LTBP1: variants seen among roughly 807,000 people sequenced by gnomAD.
The protein encoded by LTBP1 is latent-transforming growth factor beta-binding protein 1.
Under a neutral mutation model 207.6 loss-of-function variants are expected in LTBP1, and 129 were observed. That is an observed-to-expected ratio of 0.62 (90% confidence interval 0.54 to 0.72). The LOEUF (loss-of-function observed/expected upper bound fraction) is 0.72. LTBP1 is among the 30% of genes least tolerant of loss of function. The pLI, the probability that LTBP1 is intolerant of heterozygous loss-of-function variation, is 0.00. For synonymous variants in LTBP1, 963 were observed against 833.7 expected, an observed-to-expected ratio of 1.16 and a Z score of -2.67; for missense variants, 2,281 against 2,217.2, an observed-to-expected ratio of 1.03 and a Z score of -0.58.
chr2:33,365,626 CGTGT>C (rs144867482), intron 31 of LTBP1, 123 bp downstream of exon 31: 481 of 705,880 alleles, frequency 6.8e-4, no homozygotes, highest in South Asian at 1.1e-3. Context: ...ACTTTCATCC[CGTGT>C]GTGTGTGTGT....
rs555949826 is a variant in LTBP1, at chr2:33,387,360, T to C, written c.4712-1824T>C. ...AAGCAGAACTGACAGCCATTTGTGC[T>C]CTCTCTGTTTGAAGTAGTTCTTTTC... On this transcript the variant is annotated intron_variant, in intron 31 of 33. Transcript: ENST00000404816. Among the ~76,000 whole-genome samples, 26 of 152,388 alleles carry C rather than the reference T, an allele frequency of 1.7e-4. 1 individual carries two copies. In the South Asian group the frequency reaches 5.0e-3, roughly 29 times the overall value.
intron 5 of LTBP1, among the ~76,000 whole-genome samples, chr2:33,169,347 C>G (rs2085222783): frequency 1.3e-5 from 2 of 152,172 alleles, no homozygotes; most frequent in Non-Finnish European, 1.5e-5. Context: ...CTCTCCCCCT[C>G]TGAAGCCTTC....
intron 24 of LTBP1, among the ~76,000 whole-genome samples, chr2:33,317,074 TTAC>T (rs1156962006): frequency 6.6e-6 from 1 of 152,246 alleles, no homozygotes; most frequent in Non-Finnish European, 1.5e-5. Context: ...TCTTTTGCAC[TTAC>T]TAATGATTTA....
At chr2:33,366,567 G>A (rs1339441825) in intron 31 of LTBP1, among the ~76,000 whole-genome samples, 3 of 152,236 alleles carry the variant, frequency 2.0e-5, no homozygotes, top group African/African-American at 7.2e-5. Flanking sequence ...AATGATAGCA[G>A]CCCAGAATTG....
At chr2:33,113,093 G>A (rs986849930) in intron 4 of LTBP1, among the ~76,000 whole-genome samples, 8 of 152,154 alleles carry the variant, frequency 5.3e-5, no homozygotes, top group African/African-American at 1.9e-4. Context: ...GTAGTCCACT[G>A]CCATTACTTT....
intron 29 of LTBP1, 146 bp downstream of exon 29, chr2:33,363,664 C>T: frequency 1.1e-6 from 1 of 885,402 alleles, no homozygotes; most frequent in South Asian, 2.8e-5. Flanking sequence ...TTTTCTTAAG[C>T]ACAATTGAAG....
chr2:33,389,646 T>C (rs2095298339), intron 32 of LTBP1, among the ~76,000 whole-genome samples: 1 of 152,190 alleles, frequency 6.6e-6, no homozygotes, highest in Non-Finnish European at 1.5e-5. Context: ...TATTTACTTT[T>C]CTTAAAGTTT....
chr2:33,393,643 A>G (rs1423318808), intron 32 of LTBP1, among the ~76,000 whole-genome samples: 4 of 152,168 alleles, frequency 2.6e-5, no homozygotes, highest in Non-Finnish European at 5.9e-5. Flanking sequence ...ATGGCTGCAT[A>G]GCATTCCATG....
At chr2:33,361,001 T>A (rs186795247) in intron 27 of LTBP1, among the ~76,000 whole-genome samples, 1 of 152,366 alleles carries the variant, frequency 6.6e-6, no homozygotes, top group Non-Finnish European at 1.5e-5. Flanking sequence ...TGTGATATTT[T>A]GGCAGAAAGT....
intron 8 of LTBP1, among the ~76,000 whole-genome samples, chr2:33,219,340 A>C (rs993417417): frequency 6.6e-6 from 1 of 152,218 alleles, no homozygotes; most frequent in Non-Finnish European, 1.5e-5. Flanking sequence ...GTTCATCGTC[A>C]CTGGAAGATC....
At position 33,288,871 on chromosome 2, in the gene LTBP1, GA is replaced by G. The variant is rs1171285669; in HGVS notation, c.3113-4283del. 4.7e-5 allele frequency among the ~76,000 whole-genome samples: 7 copies of G among 147,942 alleles called. No individual in the cohort carries two copies. In the East Asian group the frequency reaches 1.4e-3, roughly 29 times the overall value. On this transcript the variant is annotated intron_variant, in intron 19 of 33. Coordinates refer to ENST00000404816, the MANE Select transcript of LTBP1 (RefSeq NM_206943.4). Reference sequence around the variant, plus strand: ...CTCTGTCTCAAAAAAAAAAAAAAAAGAAAAAAGAAAAGAAGGTGGAGTCTGG... The same window carrying G: ...CTCTGTCTCAAAAAAAAAAAAAAAAGAAAAAGAAAAGAAGGTGGAGTCTGG...
intron 2 of LTBP1, among the ~76,000 whole-genome samples, chr2:32,986,142 T>G (rs1683532606): frequency 1.3e-5 from 2 of 152,150 alleles, no homozygotes; most frequent in South Asian, 4.1e-4. Flanking sequence ...ATCAATTAGA[T>G]GAGTGTTGTA....
chr2:32,974,639 G>T (rs1219574019), intron 2 of LTBP1, among the ~76,000 whole-genome samples: 1 of 152,044 alleles, frequency 6.6e-6, no homozygotes, highest in Non-Finnish European at 1.5e-5. Flanking sequence ...ATTGCTCTTT[G>T]TCTTTTCTGA....
At chr2:33,198,671 C>A (rs1156327124) in intron 7 of LTBP1, among the ~76,000 whole-genome samples, 8 of 152,288 alleles carry the variant, frequency 5.3e-5, no homozygotes, top group Non-Finnish European at 8.8e-5. Context: ...TCTAGATTTT[C>A]TAGTGTATTA....
At chr2:33,099,751 G>T (rs1329006233) in intron 3 of LTBP1, among the ~76,000 whole-genome samples, 2 of 152,162 alleles carry the variant, frequency 1.3e-5, no homozygotes, top group Non-Finnish European at 2.9e-5. Context: ...AGAAGTAGGT[G>T]CTTGGGTCCT....
At chr2:33,327,087 T>C (rs1189578309) in intron 24 of LTBP1, among the ~76,000 whole-genome samples, 1 of 152,154 alleles carries the variant, frequency 6.6e-6, no homozygotes, top group Non-Finnish European at 1.5e-5. Context: ...AAAGGACATG[T>C]GGAGTGGGGA....
At chr2:33,180,036 C>T (rs1030752412) in intron 5 of LTBP1, among the ~76,000 whole-genome samples, 1 of 152,190 alleles carries the variant, frequency 6.6e-6, no homozygotes, top group Non-Finnish European at 1.5e-5. Flanking sequence ...TCAAGGTCTT[C>T]ACTCATGTTA....
intron 3 of LTBP1, among the ~76,000 whole-genome samples, chr2:33,057,465 C>T (rs796994516): frequency 7.9e-5 from 12 of 152,366 alleles, no homozygotes; most frequent in African/African-American, 9.6e-5. Flanking sequence ...GACTGGGCGC[C>T]GTGGAGCAGG....
intron 4 of LTBP1, among the ~76,000 whole-genome samples, chr2:33,111,440 C>T (rs1467163887): frequency 6.6e-6 from 1 of 152,204 alleles, no homozygotes; most frequent in Non-Finnish European, 1.5e-5. Context: ...GCTCTCGTTC[C>T]AGCAGCTTCC....
Sources: allele counts gnomAD v4.1 joint callset (sites outside exome capture counted in the v4.1 genomes callset), GRCh38; gene constraint gnomAD v4.1.1; transcripts MANE v1.5; gene names NCBI Gene and HGNC (gene_info 2026-07-23, HGNC 2026-07-21).